COL26A1: variants seen among roughly 807,000 people sequenced by gnomAD.
COL26A1 encodes the protein collagen type XXVI alpha 1 chain.
In COL26A1, 41 loss-of-function variants were observed where a neutral mutation model predicts 59.3. The observed-to-expected ratio is 0.69, with a 90% CI of 0.54 to 0.90. COL26A1 has a LOEUF of 0.90. Ranked by LOEUF, COL26A1 falls within the 40% of genes least tolerant of loss-of-function variation. The pLI is 0.00. For synonymous variants in COL26A1, 266 were observed against 256.0 expected (o/e 1.04, Z -0.37); for missense variants, 612 against 602.3 (o/e 1.02, Z -0.17).
At chr7:101,534,752 T>TG (rs1213797558) in intron 4 of COL26A1, among the ~76,000 whole-genome samples, 3 of 152,150 alleles carry the variant, frequency 2.0e-5, no homozygotes, top group Admixed American at 6.5e-5. Flanking sequence ...ACTTCCGCCC[T>TG]GGGGGTTGCA....
At chr7:101,404,914 A>G (rs368633801) in intron 1 of COL26A1, among the ~76,000 whole-genome samples, 8 of 152,054 alleles carry the variant, frequency 5.3e-5, no homozygotes, top group African/African-American at 1.9e-4. Context: ...AAATAAATAA[A>G]TAAACAAATA....
At chr7:101,513,608 G>A (rs1794970567) in intron 3 of COL26A1, among the ~76,000 whole-genome samples, 1 of 152,184 alleles carries the variant, frequency 6.6e-6, no homozygotes, top group African/African-American at 2.4e-5. Flanking sequence ...GCCTCACAAA[G>A]TGCTGGGATT....
chr7:101,467,748 T>TC (rs1254764999), intron 3 of COL26A1, among the ~76,000 whole-genome samples: 1 of 152,036 alleles, frequency 6.6e-6, no homozygotes, highest in Admixed American at 6.6e-5. Flanking sequence ...GCGCCTGTAG[T>TC]CCCAGCTACT....
chr7:101,541,708 G>T (rs1303260764), intron 5 of COL26A1, among the ~76,000 whole-genome samples: 4 of 152,050 alleles, frequency 2.6e-5, no homozygotes. Flanking sequence ...TCTACCTACT[G>T]GTCTGGGCTC....
intron 3 of COL26A1, among the ~76,000 whole-genome samples, chr7:101,478,543 A>G (rs1794096777): frequency 6.6e-6 from 1 of 152,254 alleles, no homozygotes; most frequent in Non-Finnish European, 1.5e-5. Flanking sequence ...AACCGAAAGT[A>G]CACAAAACGC....
intron 1 of COL26A1, among the ~76,000 whole-genome samples, chr7:101,364,155 G>A (rs1169173327): frequency 2.0e-5 from 3 of 152,150 alleles, no homozygotes; most frequent in Non-Finnish European, 1.5e-5. Flanking sequence ...CTGCGGCTCC[G>A]GAGCCCGCAT....
At chr7:101,395,563 GGGCTGGA>G (rs2130170125) in intron 1 of COL26A1, among the ~76,000 whole-genome samples, 1 of 152,314 alleles carries the variant, frequency 6.6e-6, no homozygotes, top group African/African-American at 2.4e-5. Context: ...TTAATCAGCG[GGGCTGGA>G]GGGAAAATGG....
intron 2 of COL26A1, among the ~76,000 whole-genome samples, chr7:101,439,743 A>G (rs1793005551): frequency 6.6e-6 from 1 of 152,084 alleles, no homozygotes. Flanking sequence ...CACCTTGGGG[A>G]GAATCCAGGC....
chr7:101,387,560 TA>T (rs1791606349), intron 1 of COL26A1, among the ~76,000 whole-genome samples: 6 of 148,860 alleles, frequency 4.0e-5, no homozygotes, highest in African/African-American at 1.5e-4. Context: ...TTTTTATTTT[TA>T]TTTTTTTTTG....
intron 1 of COL26A1, among the ~76,000 whole-genome samples, chr7:101,366,254 G>A (rs1184433874): frequency 6.6e-6 from 1 of 152,098 alleles, no homozygotes; most frequent in Non-Finnish European, 1.5e-5. Context: ...GGCGTCACAT[G>A]TTTCTGTGTC....
At chr7:101,405,223 G>A (rs556457586) in intron 1 of COL26A1, among the ~76,000 whole-genome samples, 27 of 150,712 alleles carry the variant, frequency 1.8e-4, no homozygotes, top group Admixed American at 4.6e-4. Flanking sequence ...GCGAGACTCC[G>A]TCTCTAAAAA....
intron 1 of COL26A1, among the ~76,000 whole-genome samples, chr7:101,383,282 ATTATT>A (rs72149300): frequency 0.061 from 9,317 of 152,166 alleles, 648 homozygotes; most frequent in African/African-American, 0.16. Context: ...TTTTCAAAAA[ATTATT>A]TTAATTTTTT....
At chr7:101,515,884 C>T (rs989774859) in intron 3 of COL26A1, among the ~76,000 whole-genome samples, 8 of 152,152 alleles carry the variant, frequency 5.3e-5, no homozygotes, top group Non-Finnish European at 1.2e-4. Flanking sequence ...CTGCTGCACC[C>T]GGCCAGACCC....
At chr7:101,422,616 T>A (rs1792549357) in intron 2 of COL26A1, among the ~76,000 whole-genome samples, 1 of 150,282 alleles carries the variant, frequency 6.7e-6, no homozygotes, top group Non-Finnish European at 1.5e-5. Flanking sequence ...CAGAGCTCTG[T>A]TGGAGAAGTG....
intron 2 of COL26A1, among the ~76,000 whole-genome samples, chr7:101,436,956 C>T (rs1023046785): frequency 7.2e-5 from 11 of 152,046 alleles, no homozygotes; most frequent in African/African-American, 2.4e-4. Flanking sequence ...TCAGGTGATC[C>T]GCCCGCCTTG....
chr7:101,381,329 C>T (rs114420968), intron 1 of COL26A1, among the ~76,000 whole-genome samples: 71 of 152,170 alleles, frequency 4.7e-4, no homozygotes, highest in African/African-American at 1.7e-3. Context: ...TGACTTTGAT[C>T]TTCCTGCCTC....
intron 1 of COL26A1, among the ~76,000 whole-genome samples, chr7:101,389,413 T>C (rs1468925288): frequency 1.4e-5 from 2 of 142,636 alleles, no homozygotes; most frequent in Non-Finnish European, 3.0e-5. Context: ...GGAGTCTCAC[T>C]CTGAAGCCCA....
At chr7:101,465,993 C>T (rs1335449051) in intron 3 of COL26A1, among the ~76,000 whole-genome samples, 5 of 152,200 alleles carry the variant, frequency 3.3e-5, no homozygotes, top group African/African-American at 4.8e-5. Flanking sequence ...AACTTGCTAA[C>T]GGCCCTGACT....
At chr7:101,380,522 C>T (rs576656129) in intron 1 of COL26A1, among the ~76,000 whole-genome samples, 1 of 152,182 alleles carries the variant, frequency 6.6e-6, no homozygotes, top group Non-Finnish European at 1.5e-5. Flanking sequence ...TCTTGAATTC[C>T]TGAGCTTAGC....
Sources: allele counts gnomAD v4.1 joint callset (sites outside exome capture counted in the v4.1 genomes callset), GRCh38; gene constraint gnomAD v4.1.1; transcripts MANE v1.5; gene names NCBI Gene and HGNC (gene_info 2026-07-23, HGNC 2026-07-21).